The following ANKRD12 variants were observed in gnomAD, a reference collection of about 807,000 sequenced individuals.
The protein encoded by ANKRD12 is ankyrin repeat domain-containing protein 12.
ANKRD12 carries 85 observed loss-of-function variants against 183.4 expected under a neutral mutation model. The ratio of observed to expected loss-of-function variants is 0.46; its 90% CI spans 0.39 to 0.56. The LOEUF is 0.56. Among genes scored for constraint, ANKRD12 ranks in the 20% least tolerant of loss-of-function variants. ANKRD12 has a pLI of 0.00. For synonymous variants in ANKRD12, 914 were observed against 800.2 expected, an observed-to-expected ratio of 1.14 and a Z score of -2.40; for missense variants, 2,405 against 2,357.1, an observed-to-expected ratio of 1.02 and a Z score of -0.42.
chr18:9,248,889 T>C (rs2038119727), intron 8 of ANKRD12, among the ~76,000 whole-genome samples: 1 of 152,236 alleles, frequency 6.6e-6, no homozygotes, highest in East Asian at 1.9e-4. Flanking sequence ...TTGCTGAGTT[T>C]AGAGGAAACA....
intron 10 of ANKRD12, among the ~76,000 whole-genome samples, chr18:9,267,217 G>GAC (rs1172493185): frequency 5.9e-5 from 9 of 152,110 alleles, no homozygotes; most frequent in African/African-American, 2.2e-4. Flanking sequence ...AGATCAACGA[G>GAC]AGAAAGTTAA....
intron 1 of ANKRD12, among the ~76,000 whole-genome samples, chr18:9,140,660 C>T (rs562890314): frequency 1.8e-4 from 27 of 152,154 alleles, no homozygotes; most frequent in Admixed American, 5.9e-4. Context: ...TTGAATAGTT[C>T]GTGTTATCTG....
chr18:9,233,712 TTGGTTGTTTAGGG>T (rs1272495078), intron 8 of ANKRD12, among the ~76,000 whole-genome samples: 1 of 152,230 alleles, frequency 6.6e-6, no homozygotes, highest in Admixed American at 6.5e-5. Flanking sequence ...TGTGATTTAC[TTGGTTGTTTAGGG>T]TGCAGTTAGT....
At chr18:9,223,328 A>G (rs2036528011) in intron 8 of ANKRD12, among the ~76,000 whole-genome samples, 2 of 151,138 alleles carry the variant, frequency 1.3e-5, no homozygotes, top group Non-Finnish European at 2.9e-5. Flanking sequence ...ATCTCGGCTC[A>G]CTGCAAGCTC....
intron 3 of ANKRD12, among the ~76,000 whole-genome samples, chr18:9,203,306 C>T (rs561338687): frequency 1.6e-4 from 25 of 152,100 alleles, no homozygotes; most frequent in African/African-American, 5.1e-4. Flanking sequence ...TTTTCAAATA[C>T]GATGCTTAGG....
At chr18:9,263,340 TTAAATG>T (rs1567991629) in intron 9 of ANKRD12, among the ~76,000 whole-genome samples, 1 of 152,192 alleles carries the variant, frequency 6.6e-6, no homozygotes. Flanking sequence ...TATAAAAGAA[TTAAATG>T]TAACACTCAG....
chr18:9,258,291 G>C lies in ANKRD12; in HGVS notation c.5024G>C (p.Ser1675Thr), dbSNP rs750185265. The change falls in exon 9 of 13, where the codon AGT (serine) becomes ACT (threonine). Residue 1675 changes from serine (S) to threonine (T), a missense_variant. By Grantham distance (58) the Ser-to-Thr change is moderately conservative. This residue lies in a region of ANKRD12 where 1,983 missense variants were observed against 1,725.9 expected (regional missense o/e 1.15). Transcript: ENST00000262126. ...NEQDPKHCPE[S>T]EKCLLSIEDE... is the part of the protein sequence containing the mutation. ...CAAGATCCAAAACATTGTCCTGAAA[G>C]TGAAAAGTGTTTGCTTTCCATAGAA... 10 of 1,613,592 alleles carry C rather than the reference G, an allele frequency of 6.2e-6. No homozygotes were observed. In the East Asian group the frequency reaches 8.9e-5, roughly 14 times the overall value.
intron 8 of ANKRD12, among the ~76,000 whole-genome samples, chr18:9,237,483 A>G (rs1361782059): frequency 6.6e-6 from 1 of 152,216 alleles, no homozygotes; most frequent in African/African-American, 2.4e-5. Flanking sequence ...TTTTAGGGGC[A>G]AAAAATATAG....
chr18:9,181,101 CT>C (rs2033667780), intron 1 of ANKRD12, among the ~76,000 whole-genome samples: 1 of 152,138 alleles, frequency 6.6e-6, no homozygotes, highest in African/African-American at 2.4e-5. Context: ...AGTTCTGCTT[CT>C]TGAGTGTAAT....
chr18:9,193,501 A>G (rs1230102516), intron 2 of ANKRD12, among the ~76,000 whole-genome samples: 5 of 151,244 alleles, frequency 3.3e-5, no homozygotes, highest in Admixed American at 2.0e-4. Flanking sequence ...TTCAGGCTCA[A>G]TCTCAGTGGT....
At position 9,263,414 on chromosome 18, in the gene ANKRD12, A is replaced by G. The variant is rs116316301; in HGVS notation, c.5665-376A>G. Among the ~76,000 whole-genome samples, 396 of 152,266 alleles carry G rather than the reference A, an allele frequency of 2.6e-3. 8 individuals carry two copies. Among genetic ancestry groups the G allele is most frequent in the African/African-American group, 8.7e-3 (361 of 41,552 alleles). ...GACAGACCTCACTATATAGATACCA[A>G]TTGAACTGCTTTAATCTTTACTAGT... is the stretch of plus-strand genomic sequence containing the variant. On this transcript the variant is annotated intron_variant, in intron 9 of 12. Coordinates refer to ENST00000262126, the MANE Select transcript of ANKRD12 (RefSeq NM_015208.5).
chr18:9,193,409 G>C (rs980166062), intron 2 of ANKRD12, among the ~76,000 whole-genome samples: 15 of 151,992 alleles, frequency 9.9e-5, no homozygotes, highest in African/African-American at 3.1e-4. Flanking sequence ...GCCTCCCAAA[G>C]TGCTAGGATT....
At position 9,257,428 on chromosome 18, in the gene ANKRD12, T is replaced by A. The variant is rs764155518; in HGVS notation, c.4161T>A (p.Asn1387Lys). 2.5e-6 allele frequency: 4 copies of A among 1,614,036 alleles called. 1 individual carries two copies. In the South Asian group the frequency reaches 4.4e-5, roughly 18 times the overall value. Residue 1387 changes from asparagine (N) to lysine (K), a missense_variant, in exon 9 of 13, where the codon AAT becomes AAA. Around this residue, in one of 7 missense-constraint regions of ANKRD12, gnomAD observed 1,983 missense variants for 1,725.9 expected, o/e 1.15. Coordinates refer to ENST00000262126, the MANE Select transcript of ANKRD12 (RefSeq NM_015208.5). Reference sequence around the variant, plus strand: ...GCAAGTATGTTTCAGCTGATAGAAATCTCATCAAGAATACTGCCCCAGTGA... The same window carrying A: ...GCAAGTATGTTTCAGCTGATAGAAAACTCATCAAGAATACTGCCCCAGTGA... Reference protein sequence around the residue: ...SNSKYVSADRNLIKNTAPVNT... With the variant: ...SNSKYVSADRKLIKNTAPVNT...
In ANKRD12 at chr18:9,256,261, A is replaced by G. The variant is rs749148123; in HGVS notation, c.2994A>G (p.Leu998=). The G allele has an allele frequency of 3.1e-6, 5 of 1,605,046 alleles. No homozygotes were observed. The highest frequency in any genetic ancestry group is 2.7e-5 in the African/African-American group (2 of 74,238). The change falls in exon 9 of 13, where the codon TTA becomes TTG. Residue 998 remains leucine (L), a synonymous_variant. Transcript: ENST00000262126. The part of the protein sequence containing the change: ...DGNKAQHEKP[L]SLKEKTKDEP... Reference sequence around the variant, plus strand: ...ATAAAGCACAACATGAAAAACCCTTATCCCTTAAAGAAAAAACAAAAGATG... The same window carrying G: ...ATAAAGCACAACATGAAAAACCCTTGTCCCTTAAAGAAAAAACAAAAGATG...
At chr18:9,252,359 C>T (rs1306442853) in intron 8 of ANKRD12, among the ~76,000 whole-genome samples, 1 of 152,138 alleles carries the variant, frequency 6.6e-6, no homozygotes, top group African/African-American at 2.4e-5. Context: ...AGGGTCACTG[C>T]AGATGGCACT....
chr18:9,244,371 G>A (rs961948786), intron 8 of ANKRD12, among the ~76,000 whole-genome samples: 2 of 151,740 alleles, frequency 1.3e-5, no homozygotes, highest in Admixed American at 1.3e-4. Flanking sequence ...TTTTTTTTGA[G>A]ATGAGGTCTT....
chr18:9,148,860 A>C (rs1312391052), intron 1 of ANKRD12, among the ~76,000 whole-genome samples: 2 of 152,158 alleles, frequency 1.3e-5, no homozygotes, highest in Admixed American at 1.3e-4. Context: ...TAAAGAACAG[A>C]CTACACAATG....
intron 10 of ANKRD12, among the ~76,000 whole-genome samples, chr18:9,270,116 G>A (rs939662527): frequency 1.3e-5 from 2 of 152,180 alleles, no homozygotes; most frequent in African/African-American, 2.4e-5. Flanking sequence ...GGAAACAACA[G>A]GTGCTGGAGA....
Position 9,255,183 on chromosome 18 carries a change from C to A in ANKRD12, c.1916C>A (p.Thr639Lys). The change falls in exon 9 of 13, where the codon ACA (threonine) becomes AAA (lysine). Residue 639 changes from threonine (T) to lysine (K), a missense_variant. Thr to Lys is a moderately conservative substitution (Grantham distance 78, BLOSUM62 -1). Coordinates refer to ENST00000262126, the MANE Select transcript of ANKRD12 (RefSeq NM_015208.5). Reference sequence around the variant, plus strand: ...CCAACATTTGAAAATTCAGATTGCACACTGAAAAAAATGGATAAAGAAGGT... The same window carrying A: ...CCAACATTTGAAAATTCAGATTGCAAACTGAAAAAAATGGATAAAGAAGGT... ...HSPTFENSDC[T>K]LKKMDKEGKT... 1.3e-6 allele frequency: 2 copies of A among 1,566,438 alleles called. No homozygotes were observed. Among genetic ancestry groups the A allele is most frequent in the South Asian group, 1.2e-5 (1 of 82,072 alleles).
Sources: allele counts gnomAD v4.1 joint callset (sites outside exome capture counted in the v4.1 genomes callset), GRCh38; gene constraint gnomAD v4.1.1; regional missense constraint gnomAD v4.1.1; transcripts MANE v1.5; gene names NCBI Gene and HGNC (gene_info 2026-07-23, HGNC 2026-07-21).